Variants in MPHOSPH8 observed in about 807,000 individuals in gnomAD.
The protein encoded by MPHOSPH8 is M-phase phosphoprotein, mpp.
MPHOSPH8 carries 45 observed loss-of-function variants against 87.3 expected under a neutral mutation model. The ratio of observed to expected loss-of-function variants is 0.52; its 90% CI spans 0.41 to 0.66. MPHOSPH8 has a LOEUF of 0.66. MPHOSPH8 is among the 30% of genes least tolerant of loss of function. MPHOSPH8 has a pLI of 0.00. For missense variants in MPHOSPH8, 883 were observed against 1,020.2 expected, an observed-to-expected ratio of 0.87 and a Z score of 1.83; for synonymous variants, 366 against 376.9, an observed-to-expected ratio of 0.97 and a Z score of 0.33.
intron 12 of MPHOSPH8, chr13:19,670,962 A>G (rs1429559999): frequency 9.5e-7 from 1 of 1,052,048 alleles, no homozygotes; most frequent in East Asian, 3.6e-5. Context: ...TGGGACTAAA[A>G]ATGCACGCCA....
rs1873822518 is a variant in MPHOSPH8, at chr13:19,633,681, G to C, written c.-68G>C. 1 of 1,522,200 alleles carries C rather than the reference G, an allele frequency of 6.6e-7. No homozygotes were observed. Among genetic ancestry groups the C allele is most frequent in the Non-Finnish European group, 8.9e-7 (1 of 1,122,058 alleles). The allele number at this position is 1,522,200 out of a possible 1,614,324, so 94.3% of individuals were successfully genotyped here. On this transcript the variant is annotated 5_prime_UTR_variant, in exon 1 of 14. Transcript: ENST00000361479. Reference sequence around the variant, plus strand: ...GCTGATGTGGAGTAGGGCCGAGCGCGGAACGCGAGGGGCTGCTGGGGTGTT... The same window carrying C: ...GCTGATGTGGAGTAGGGCCGAGCGCCGAACGCGAGGGGCTGCTGGGGTGTT...
At chr13:19,660,880 A>C in intron 7 of MPHOSPH8, 2 of 971,612 alleles carry the variant, frequency 2.1e-6, no homozygotes, top group African/African-American at 1.8e-5. Context: ...ATTTGATCGT[A>C]TGCCCCCCAA....
At chr13:19,638,383 G>C (rs752212233) in intron 1 of MPHOSPH8, among the ~76,000 whole-genome samples, 2 of 152,032 alleles carry the variant, frequency 1.3e-5, no homozygotes, top group Admixed American at 6.6e-5. Flanking sequence ...GGGAAGCCGA[G>C]GCAGACGGAT....
At chr13:19,636,113 A>AT (rs1433643458) in intron 1 of MPHOSPH8, among the ~76,000 whole-genome samples, 1 of 152,168 alleles carries the variant, frequency 6.6e-6, no homozygotes, top group African/African-American at 2.4e-5. Context: ...AGTCTCAGGT[A>AT]TTTCTTCATA....
chr13:19,653,154 G>A (rs1017300927), intron 5 of MPHOSPH8, among the ~76,000 whole-genome samples: 4 of 152,182 alleles, frequency 2.6e-5, no homozygotes, highest in Admixed American at 2.0e-4. Context: ...TCCCAGTAGG[G>A]GCCAACAGAC....
intron 7 of MPHOSPH8, among the ~76,000 whole-genome samples, chr13:19,660,136 ATT>A (rs568591119): frequency 3.0e-5 from 4 of 135,194 alleles, no homozygotes; most frequent in Non-Finnish European, 3.2e-5. Context: ...AATTTTTTGT[ATT>A]TTTTTTTTTT....
chr13:19,652,808 G>A (rs1393117533), intron 5 of MPHOSPH8, among the ~76,000 whole-genome samples: 1 of 152,164 alleles, frequency 6.6e-6, no homozygotes, highest in Non-Finnish European at 1.5e-5. Context: ...TGTAAGCAAA[G>A]CCTCCGGGAT....
At chr13:19,642,058 G>A in intron 1 of MPHOSPH8, 57 bp from the exon 2 acceptor site, 9 of 491,954 alleles carry the variant, frequency 1.8e-5, no homozygotes, top group Non-Finnish European at 2.4e-5. Context: ...TTTTTTTTTG[G>A]AAATTTAATC....
chr13:19,668,763 C>T (rs1296382502), intron 11 of MPHOSPH8, among the ~76,000 whole-genome samples: 1 of 152,104 alleles, frequency 6.6e-6, no homozygotes, highest in African/African-American at 2.4e-5. Flanking sequence ...AATAATCACA[C>T]TAGTTCTCAA....
chr13:19,670,819 A>ATT, intron 12 of MPHOSPH8: 1 of 1,128,732 alleles, frequency 8.9e-7, no homozygotes, highest in African/African-American at 2.1e-5. Context: ...AAAATAAATC[A>ATT]CTTTTTTTTT....
intron 12 of MPHOSPH8, chr13:19,670,723 C>G: frequency 8.7e-7 from 1 of 1,154,206 alleles, no homozygotes; most frequent in Non-Finnish European, 1.1e-6. Context: ...GACATTTTAA[C>G]ACTTGTACTG....
At chr13:19,637,402 T>C (rs1471642068) in intron 1 of MPHOSPH8, among the ~76,000 whole-genome samples, 3 of 152,218 alleles carry the variant, frequency 2.0e-5, no homozygotes, top group Non-Finnish European at 2.9e-5. Flanking sequence ...TAATCATTTA[T>C]TTATCTTTTT....
In MPHOSPH8 at chr13:19,650,028, T is replaced by C. The variant is rs1378647967; in HGVS notation, c.1344T>C (p.Phe448=). ...LKTLKEIRNA[F]DLFKLTPEEK... ...CACTTAAGGAAATCAGAAATGCATTTGATTTATTTAAATTAACTCCAGAAG... is the reference window on the plus strand; with the variant it reads ...CACTTAAGGAAATCAGAAATGCATTCGATTTATTTAAATTAACTCCAGAAG... Residue 448 remains phenylalanine (F), a synonymous_variant, in exon 5 of 14, where the codon TTT becomes TTC. Coordinates refer to ENST00000361479, the MANE Select transcript of MPHOSPH8 (RefSeq NM_017520.4). 1.3e-6 allele frequency: 2 copies of C among 1,597,660 alleles called. No individual in the cohort carries two copies. Among genetic ancestry groups the C allele is most frequent in the East Asian group, 4.5e-5 (2 of 44,786 alleles).
chr13:19,646,751 A>G lies in MPHOSPH8; in HGVS notation c.678A>G (p.Glu226=). Residue 226 remains glutamate (E), a synonymous_variant, in exon 3 of 14, where the codon GAA becomes GAG. Coordinates refer to ENST00000361479, the MANE Select transcript of MPHOSPH8 (RefSeq NM_017520.4). ...AAGATGAAGTAAAAGAAACAAAAGAATTAAAGAAAGTTAAAAAGGGTGAAA... is the reference window on the plus strand; with the variant it reads ...AAGATGAAGTAAAAGAAACAAAAGAGTTAAAGAAAGTTAAAAAGGGTGAAA... ...PKKDEVKETK[E]LKKVKKGEIR... is the part of the protein sequence containing the mutation. The G allele has an allele frequency of 6.3e-7, 1 of 1,584,774 alleles. No homozygotes were observed. Among genetic ancestry groups the G allele is most frequent in the Non-Finnish European group, 8.6e-7 (1 of 1,169,202 alleles).
At chr13:19,652,412 T>G (rs530821646) in intron 5 of MPHOSPH8, among the ~76,000 whole-genome samples, 1 of 152,164 alleles carries the variant, frequency 6.6e-6, no homozygotes, top group Non-Finnish European at 1.5e-5. Flanking sequence ...ATACTGTGCT[T>G]TTCCCATGGT....
At chr13:19,668,348 C>T (rs902066571) in intron 10 of MPHOSPH8, 29 bp from the exon 11 acceptor site, 12 of 1,601,570 alleles carry the variant, frequency 7.5e-6, no homozygotes, top group East Asian at 4.5e-5. Flanking sequence ...TCTACATTAA[C>T]GTTAACACGT....
In MPHOSPH8 at chr13:19,668,501, A is replaced by G; in HGVS notation, c.2299A>G (p.Asn767Asp). ...GGGTCCAGATTTTTCAACAGATTTC[A>G]ATTACAAACCCCCACAGAACATACC... is the stretch of plus-strand genomic sequence containing the variant. ...CEGPDFSTDF[N>D]YKPPQNIPEG... The change falls in exon 11 of 14, where the codon AAT becomes GAT. Residue 767 changes from asparagine (N) to aspartate (D), a missense_variant. Physicochemically the swap from Asn to Asp is conservative, Grantham distance 23. Coordinates refer to ENST00000361479, the MANE Select transcript of MPHOSPH8 (RefSeq NM_017520.4). 2.5e-6 allele frequency: 4 copies of G among 1,614,142 alleles called. No individual in the cohort carries two copies. Among genetic ancestry groups the G allele is most frequent in the African/African-American group, 1.3e-5 (1 of 75,030 alleles).
intron 11 of MPHOSPH8, among the ~76,000 whole-genome samples, chr13:19,668,968 G>T (rs895324040): frequency 6.6e-6 from 1 of 152,316 alleles, no homozygotes; most frequent in East Asian, 1.9e-4. Flanking sequence ...AGGCAGGGCT[G>T]CGGCTGGCCC....
chr13:19,634,747 T>C (rs2137489642), intron 1 of MPHOSPH8, among the ~76,000 whole-genome samples: 1 of 152,300 alleles, frequency 6.6e-6, no homozygotes, highest in Non-Finnish European at 1.5e-5. Context: ...TTTGTTTGTC[T>C]CTCCTGCTAT....
Sources: allele counts gnomAD v4.1 joint callset (sites outside exome capture counted in the v4.1 genomes callset), GRCh38; gene constraint gnomAD v4.1.1; transcripts MANE v1.5; gene names NCBI Gene and HGNC (gene_info 2026-07-23, HGNC 2026-07-21).